FRMD4A: variants seen among roughly 807,000 people sequenced by gnomAD.
The protein encoded by FRMD4A is FERM domain-containing protein 4A.
In FRMD4A, 29 loss-of-function variants were observed where a neutral mutation model predicts 129.1. That is an observed-to-expected ratio of 0.22 (90% CI 0.17 to 0.31). FRMD4A has a LOEUF of 0.31. FRMD4A is among the 10% of genes least tolerant of loss of function. The probability of loss-of-function intolerance (pLI) is 1.00; values close to 1 mark genes in which losing one functional copy is unlikely to be tolerated. For missense variants in FRMD4A, 1,272 were observed against 1,375.8 expected, an observed-to-expected ratio of 0.92 and a Z score of 1.19; for synonymous variants, 634 against 571.6, an observed-to-expected ratio of 1.11 and a Z score of -1.56.
intron 12 of FRMD4A, among the ~76,000 whole-genome samples, chr10:13,724,215 T>C (rs1441511422): frequency 2.6e-5 from 4 of 151,502 alleles, no homozygotes; most frequent in African/African-American, 9.8e-5. Context: ...GGTGAAACCC[T>C]GTCTCTACTA....
chr10:13,860,278 T>C (rs1006593677), intron 2 of FRMD4A, among the ~76,000 whole-genome samples: 4 of 152,218 alleles, frequency 2.6e-5, no homozygotes, highest in African/African-American at 9.6e-5. Context: ...TTAAGTGCCA[T>C]AAAAATAATT....
At chr10:13,880,004 T>C (rs2094529800) in intron 2 of FRMD4A, among the ~76,000 whole-genome samples, 1 of 152,026 alleles carries the variant, frequency 6.6e-6, no homozygotes, top group Non-Finnish European at 1.5e-5. Context: ...TTTTCCCAGA[T>C]GTCATCATAC....
intron 3 of FRMD4A, among the ~76,000 whole-genome samples, chr10:13,845,281 G>A (rs375874820): frequency 3.9e-5 from 6 of 152,282 alleles, no homozygotes; most frequent in East Asian, 1.9e-4. Context: ...TATATATGGC[G>A]TTGGAGGGAT....
chr10:14,170,232 G>A (rs1049157077), intron 2 of FRMD4A, among the ~76,000 whole-genome samples: 5 of 152,142 alleles, frequency 3.3e-5, no homozygotes, highest in Admixed American at 3.3e-4. Flanking sequence ...AATATAGCAT[G>A]ATCAGGAAAG....
At chr10:14,235,163 T>A (rs970773213) in intron 2 of FRMD4A, among the ~76,000 whole-genome samples, 2 of 151,558 alleles carry the variant, frequency 1.3e-5, no homozygotes, top group African/African-American at 4.9e-5. Context: ...CTGTCTTTTT[T>A]TTTTGACACG....
At chr10:14,280,649 C>T (rs1401791178) in intron 2 of FRMD4A, among the ~76,000 whole-genome samples, 1 of 152,158 alleles carries the variant, frequency 6.6e-6, no homozygotes. Context: ...AGACTTGGCT[C>T]TCAGAGAGGT....
chr10:14,175,219 A>G (rs1482843796), intron 2 of FRMD4A, among the ~76,000 whole-genome samples: 6 of 152,168 alleles, frequency 3.9e-5, no homozygotes, highest in Non-Finnish European at 1.5e-5. Context: ...TATGTGACAC[A>G]TGTGCACCAT....
chr10:14,015,273 T>TCTTCTTCCTTCTTTC (rs1565185904), intron 2 of FRMD4A, among the ~76,000 whole-genome samples: 9 of 84,610 alleles, frequency 1.1e-4, no homozygotes, highest in African/African-American at 4.1e-4. Flanking sequence ...TTCCTTCCTT[T>TCTTCTTCCTTCTTTC]CTTCCTTCCT....
chr10:14,235,613 T>G (rs1843785172), intron 2 of FRMD4A, among the ~76,000 whole-genome samples: 1 of 152,198 alleles, frequency 6.6e-6, no homozygotes, highest in Non-Finnish European at 1.5e-5. Context: ...TTATGCCTGT[T>G]AACACGGGTA....
chr10:14,188,774 C>T lies in FRMD4A; in HGVS notation c.45+141284G>A, dbSNP rs577856715. ...CAAAAAATTAGCTGAGCACCAGTGG[C>T]ATGCGCCTGTGGTCCCAGTAACTTG... is the stretch of plus-strand genomic sequence containing the variant. On this transcript the variant is annotated intron_variant, in intron 2 of 24. Coordinates refer to ENST00000357447, the MANE Select transcript of FRMD4A (RefSeq NM_018027.5). Among the ~76,000 whole-genome samples the T allele has an allele frequency of 2.7e-4, 41 of 152,324 alleles. No homozygotes were observed. The South Asian group carries it at 7.3e-3, about 27-fold the overall frequency.
intron 2 of FRMD4A, among the ~76,000 whole-genome samples, chr10:14,080,175 T>C (rs1334978500): frequency 1.3e-5 from 2 of 152,164 alleles, no homozygotes; most frequent in Non-Finnish European, 2.9e-5. Flanking sequence ...GCCACAAAGA[T>C]GCCCCAGCTA....
At chr10:13,930,855 C>G (rs529738089) in intron 2 of FRMD4A, among the ~76,000 whole-genome samples, 2 of 151,742 alleles carry the variant, frequency 1.3e-5, no homozygotes, top group Non-Finnish European at 2.9e-5. Context: ...TTTTTTAAGT[C>G]GGTGTCTTGC....
chr10:13,707,666 A>C, intron 12 of FRMD4A: 1 of 986,142 alleles, frequency 1.0e-6, no homozygotes, highest in Non-Finnish European at 1.2e-6. Context: ...AGAGCCTTGC[A>C]AAGGGCGGAG....
intron 2 of FRMD4A, among the ~76,000 whole-genome samples, chr10:14,122,196 C>G (rs994076515): frequency 6.6e-6 from 1 of 152,040 alleles, no homozygotes; most frequent in Admixed American, 6.6e-5. Context: ...GGGGATTAAA[C>G]GAGAAAATGC....
chr10:14,183,302 T>C (rs1841971840), intron 2 of FRMD4A, among the ~76,000 whole-genome samples: 1 of 152,248 alleles, frequency 6.6e-6, no homozygotes, highest in African/African-American at 2.4e-5. Context: ...AGTTACACAT[T>C]AATTTATTTA....
intron 2 of FRMD4A, among the ~76,000 whole-genome samples, chr10:14,110,475 C>T (rs1235386195): frequency 6.6e-6 from 1 of 152,132 alleles, no homozygotes; most frequent in Non-Finnish European, 1.5e-5. Flanking sequence ...ATCTGTAAGG[C>T]TATTCTCTTT....
At chr10:13,675,421 T>G (rs1230309101) in intron 15 of FRMD4A, among the ~76,000 whole-genome samples, 2 of 152,214 alleles carry the variant, frequency 1.3e-5, no homozygotes, top group Non-Finnish European at 2.9e-5. Context: ...TATCTTTGTT[T>G]GAGACAGTCT....
At chr10:13,914,571 A>G (rs1241534181) in intron 2 of FRMD4A, among the ~76,000 whole-genome samples, 6 of 152,356 alleles carry the variant, frequency 3.9e-5, no homozygotes, top group South Asian at 2.1e-4. Flanking sequence ...ATAAAATCCA[A>G]TTTTTAAAAT....
At chr10:13,674,802 G>A (rs1429433398) in intron 16 of FRMD4A, 109 bp downstream of exon 16, 7 of 1,253,242 alleles carry the variant, frequency 5.6e-6, no homozygotes, top group Middle Eastern at 1.9e-4. Context: ...CTGTCAAAAC[G>A]ATCAAATGAC....
Sources: gnomAD v4.1 joint callset for allele counts (sites outside exome capture counted in the v4.1 genomes callset) on GRCh38, gnomAD v4.1.1 for gene constraint, MANE v1.5 for transcripts, NCBI Gene and HGNC (gene_info 2026-07-23, HGNC 2026-07-21) for gene names.